Variants in RTL4 observed in about 807,000 individuals in gnomAD.
RTL4 encodes retrotransposon Gag like 4, also known as retrotransposon Gag-like protein 4.
In RTL4, 4 loss-of-function variants were observed where a neutral mutation model predicts 5.3. The ratio of observed to expected loss-of-function variants is 0.75; its 90% CI spans 0.37 to 1.72. The LOEUF is 1.72. Ranked by LOEUF, RTL4 falls within the 40% of genes most tolerant of loss-of-function variation. The pLI, the probability that RTL4 is intolerant of heterozygous loss-of-function variation, is 0.04. For missense variants in RTL4, 260 were observed against 227.1 expected, an observed-to-expected ratio of 1.14 and a Z score of -0.93; for synonymous variants, 98 against 87.3, an observed-to-expected ratio of 1.12 and a Z score of -0.68.
chrX:112,263,593 T>C, the RTL4 span, among the ~76,000 whole-genome samples: 1 of 112,133 alleles, frequency 8.9e-6, no homozygotes, highest in African/African-American at 3.2e-5. Context: ...TTATTTTACT[T>C]AGCATAGTGT....
At chrX:112,208,806 C>T in the RTL4 span, among the ~76,000 whole-genome samples, 1 of 112,537 alleles carries the variant, frequency 8.9e-6, no homozygotes, top group South Asian at 3.7e-4. Flanking sequence ...GGAGAAAGGG[C>T]TATTTTTTGG....
At chrX:112,132,290 G>A in the RTL4 span, among the ~76,000 whole-genome samples, 1 of 111,549 alleles carries the variant, frequency 9.0e-6, no homozygotes, top group African/African-American at 3.3e-5. Flanking sequence ...TGCTTTGAGA[G>A]GAAGATAAGC....
At chrX:112,131,936 CTGAAGTAGTACCTA>C in the RTL4 span, among the ~76,000 whole-genome samples, 1 of 111,812 alleles carries the variant, frequency 8.9e-6, no homozygotes, top group South Asian at 3.8e-4. Context: ...TACGTCTAAT[CTGAAGTAGTACCTA>C]TGAAGTAGTA....
chrX:112,327,383 A>G, the RTL4 span, among the ~76,000 whole-genome samples: 411 of 112,223 alleles, frequency 3.7e-3, 4 homozygotes, highest in African/African-American at 0.012. Flanking sequence ...ACCTGATGCG[A>G]TCAACTGGAA....
At chrX:112,157,062 GTT>G in the RTL4 span, among the ~76,000 whole-genome samples, 1 of 92,224 alleles carries the variant, frequency 1.1e-5, no homozygotes, top group Non-Finnish European at 2.1e-5. Flanking sequence ...CTGTTATACT[GTT>G]TGTGTGTGTG....
chrX:112,094,103 C>G, the RTL4 span, among the ~76,000 whole-genome samples: 1 of 111,468 alleles, frequency 9.0e-6, no homozygotes, highest in Non-Finnish European at 1.9e-5. Context: ...AGAGTAGAAG[C>G]AGAGAGACTA....
At chrX:112,091,704 T>C in the RTL4 span, among the ~76,000 whole-genome samples, 1 of 111,115 alleles carries the variant, frequency 9.0e-6, no homozygotes, top group Non-Finnish European at 1.9e-5. Flanking sequence ...AAAAATAATG[T>C]TTATTCTGCT....
chrX:112,116,736 A>G, the RTL4 span, among the ~76,000 whole-genome samples: 10 of 111,903 alleles, frequency 8.9e-5, no homozygotes, highest in Admixed American at 1.9e-4. Context: ...AAGTTCTCCA[A>G]GTTGCCACCC....
the RTL4 span, among the ~76,000 whole-genome samples, chrX:112,400,179 T>G: frequency 1.1e-4 from 12 of 111,660 alleles, no homozygotes; most frequent in African/African-American, 3.9e-4. Flanking sequence ...TCTATCCCTC[T>G]GCTTTCTCCT....
the RTL4 span, among the ~76,000 whole-genome samples, chrX:112,233,640 G>T: frequency 9.0e-6 from 1 of 111,503 alleles, no homozygotes; most frequent in South Asian, 3.8e-4. Flanking sequence ...CCCATTTCTT[G>T]TGACTTTGGA....
At chrX:112,222,652 G>A in the RTL4 span, among the ~76,000 whole-genome samples, 1 of 110,905 alleles carries the variant, frequency 9.0e-6, no homozygotes, top group South Asian at 3.9e-4. Flanking sequence ...AGGATCACTT[G>A]GGCCCAGGGA....
the RTL4 span, among the ~76,000 whole-genome samples, chrX:112,396,607 C>G: frequency 9.0e-6 from 1 of 111,135 alleles, no homozygotes; most frequent in Non-Finnish European, 1.9e-5. Flanking sequence ...ATATCCCCCC[C>G]ACCCATAATT....
chrX:112,198,565 C>A, the RTL4 span, among the ~76,000 whole-genome samples: 1 of 111,470 alleles, frequency 9.0e-6, no homozygotes, highest in African/African-American at 3.3e-5. Context: ...TCATTCATGT[C>A]CTTTTGTCCT....
chrX:112,297,038 C>T, the RTL4 span, among the ~76,000 whole-genome samples: 16 of 110,602 alleles, frequency 1.4e-4, no homozygotes, highest in Non-Finnish European at 2.1e-4. Context: ...TTTCCCTTTT[C>T]CTAATTCAGT....
chrX:112,088,934 T>C, the RTL4 span, among the ~76,000 whole-genome samples: 17 of 110,312 alleles, frequency 1.5e-4, no homozygotes, highest in Non-Finnish European at 2.1e-4. Flanking sequence ...TGTTGAGTTA[T>C]AAATGTTCTT....
At chrX:112,111,472 T>C in the RTL4 span, among the ~76,000 whole-genome samples, 1 of 113,072 alleles carries the variant, frequency 8.8e-6, no homozygotes, top group Admixed American at 9.3e-5. Flanking sequence ...CTTGGATTTT[T>C]GCACTGTGTG....
chrX:112,099,060 T>C, the RTL4 span, among the ~76,000 whole-genome samples: 4 of 112,129 alleles, frequency 3.6e-5, no homozygotes, highest in Non-Finnish European at 7.5e-5. Context: ...AAAGAGCTTC[T>C]GCACAGCAAA....
chrX:112,178,621 C>T, the RTL4 span, among the ~76,000 whole-genome samples: 3 of 111,342 alleles, frequency 2.7e-5, no homozygotes, highest in African/African-American at 9.8e-5. Context: ...ACTGATTTCC[C>T]ATCCTCATCT....
the RTL4 span, among the ~76,000 whole-genome samples, chrX:112,141,216 AT>A: frequency 9.0e-6 from 1 of 111,399 alleles, no homozygotes; most frequent in African/African-American, 3.3e-5. Flanking sequence ...TCAGTTTATG[AT>A]TGTTCATTGC....
Sources: allele counts gnomAD v4.1 joint callset (sites outside exome capture counted in the v4.1 genomes callset), GRCh38; gene constraint gnomAD v4.1.1; transcripts MANE v1.5; gene names NCBI Gene and HGNC (gene_info 2026-07-23, HGNC 2026-07-21).